The following FAM227A variants were observed in gnomAD, a reference collection of about 807,000 sequenced individuals.
The protein encoded by FAM227A is family with sequence similarity 227 member A.
In FAM227A, 80 loss-of-function variants were observed where a neutral mutation model predicts 74.7. That is an observed-to-expected ratio of 1.07 (90% CI 0.89 to 1.29). The LOEUF is 1.29. Ranked by LOEUF, FAM227A falls within the 50% of genes most tolerant of loss-of-function variation. The pLI is 0.00. For synonymous variants in FAM227A, 237 were observed against 241.8 expected, an observed-to-expected ratio of 0.98 and a Z score of 0.19; for missense variants, 654 against 683.4, an observed-to-expected ratio of 0.96 and a Z score of 0.48.
In FAM227A at chr22:38,582,673, A is replaced by G. The variant is rs1569180363; in HGVS notation, c.*3452T>C. ...GGGATGATCTTGGACTGTGCAACAA[A>G]TGGTCCTGACAGACAGAAATGCAGT... On this transcript the variant is annotated 3_prime_UTR_variant, in exon 17 of 17. Transcript: ENST00000535113. 1 of 832,526 alleles carries G rather than the reference A, an allele frequency of 1.2e-6. No individual in the cohort carries two copies. Among genetic ancestry groups the G allele is most frequent in the Non-Finnish European group, 1.8e-6 (1 of 542,150 alleles). 51.6% of individuals were successfully genotyped at this position (832,526 alleles called of 1,614,324 possible). A position where few individuals can be genotyped will look rare whatever the true frequency, so the allele number is the denominator to read the frequency against.
At chr22:38,594,136 C>T (rs1021613143) in intron 15 of FAM227A, among the ~76,000 whole-genome samples, 3 of 152,184 alleles carry the variant, frequency 2.0e-5, no homozygotes, top group Non-Finnish European at 1.5e-5. Flanking sequence ...CTCTGCCTTC[C>T]GACTTTAGCC....
chr22:38,613,053 T>A (rs1220455716), intron 11 of FAM227A, among the ~76,000 whole-genome samples: 3 of 114,422 alleles, frequency 2.6e-5, no homozygotes, highest in Non-Finnish European at 5.0e-5. Context: ...TATATATATA[T>A]TATATATATG....
intron 3 of FAM227A, among the ~76,000 whole-genome samples, chr22:38,645,306 G>A (rs148281518): frequency 1.2e-3 from 183 of 152,094 alleles, no homozygotes; most frequent in Middle Eastern, 6.8e-3. Flanking sequence ...CAGGAGAATC[G>A]CTTGAACCCA....
rs1159747083 is a variant in FAM227A, at chr22:38,582,834, C to A, written c.*3291G>T. Reference sequence around the variant, plus strand: ...GGGATGGCACAGAATGCTGTTGGAGCATAATGCAGTGGAGCACTTGTGCCT... The same window carrying A: ...GGGATGGCACAGAATGCTGTTGGAGAATAATGCAGTGGAGCACTTGTGCCT... On this transcript the variant is annotated 3_prime_UTR_variant, in exon 17 of 17. Transcript: ENST00000535113. The A allele has an allele frequency of 6.5e-7, 1 of 1,549,872 alleles. No individual in the cohort carries two copies. Among genetic ancestry groups the A allele is most frequent in the South Asian group, 1.2e-5 (1 of 84,020 alleles).
intron 6 of FAM227A, among the ~76,000 whole-genome samples, chr22:38,635,212 G>A (rs951332030): frequency 7.5e-6 from 1 of 133,758 alleles, no homozygotes; most frequent in Non-Finnish European, 1.5e-5. Context: ...CCTGGCGACA[G>A]AGCGAGACTC....
At chr22:38,623,307 G>A (rs1434453219) in intron 9 of FAM227A, 28 bp from the exon 10 acceptor site, 15 of 1,467,904 alleles carry the variant, frequency 1.0e-5, no homozygotes, top group African/African-American at 1.4e-5. Flanking sequence ...AGTGAGAATG[G>A]GGCCGGGTGC....
At chr22:38,644,890 C>A (rs1442551106) in intron 3 of FAM227A, among the ~76,000 whole-genome samples, 1 of 150,860 alleles carries the variant, frequency 6.6e-6, no homozygotes, top group Non-Finnish European at 1.5e-5. Context: ...GAGTTTGAGA[C>A]CAGCCTGACC....
Position 38,582,734 on chromosome 22 carries a change from C to T in FAM227A, c.*3391G>A. The T allele has an allele frequency of 8.0e-7, 1 of 1,254,308 alleles. No homozygotes were observed. Among genetic ancestry groups the T allele is most frequent in the Non-Finnish European group, 1.1e-6 (1 of 899,742 alleles). The allele number at this position is 1,254,308 out of a possible 1,614,324, so 77.7% of individuals were successfully genotyped here. On this transcript the variant is annotated 3_prime_UTR_variant, in exon 17 of 17. Coordinates refer to ENST00000535113, the MANE Select transcript of FAM227A (RefSeq NM_001013647.2). ...CTTAGAAAATAAGGAGACCTTCTTG[C>T]TGTATGGGGGCTAATAGTAGCGGTG...
chr22:38,645,506 TC>T lies in FAM227A; in HGVS notation c.225+56del. ...CCAGGGCACTGCAACACCTTGATGA[TC>T]CCCGGGGCCCTTCCCTGTCAGAAGC... On this transcript the variant is annotated intron_variant, in intron 3 of 16. Transcript: ENST00000535113. 4.2e-6 allele frequency: 5 copies of T among 1,178,322 alleles called. No individual in the cohort carries two copies. In the Admixed American group the frequency reaches 1.0e-4, roughly 24 times the overall value. 73.0% of individuals were successfully genotyped at this position (1,178,322 alleles called of 1,614,324 possible). A position where few individuals can be genotyped will look rare whatever the true frequency, so the allele number is the denominator to read the frequency against.
chr22:38,591,567 G>C (rs2090937234), intron 15 of FAM227A, 27 bp from the exon 16 acceptor site: 1 of 1,493,212 alleles, frequency 6.7e-7, no homozygotes, highest in East Asian at 2.5e-5. Flanking sequence ...GAGACATATG[G>C]AAAAAGGCTG....
intron 1 of FAM227A, among the ~76,000 whole-genome samples, chr22:38,651,795 G>GCT (rs10701349): frequency 0.35 from 53,366 of 151,932 alleles, 9,703 homozygotes; most frequent in East Asian, 0.47. Context: ...CAAGCAATAT[G>GCT]ATGTGCTGGG....
intron 2 of FAM227A, among the ~76,000 whole-genome samples, chr22:38,649,278 T>C (rs2092288422): frequency 6.6e-6 from 1 of 151,932 alleles, no homozygotes; most frequent in African/African-American, 2.4e-5. Context: ...TGAAAAAATG[T>C]ATCTGGCCAG....
At chr22:38,588,764 CAA>C (rs34469783) in intron 16 of FAM227A, among the ~76,000 whole-genome samples, 102 of 128,428 alleles carry the variant, frequency 7.9e-4, no homozygotes, top group Non-Finnish European at 9.2e-4. Context: ...ACTAAAAATA[CAA>C]AAAAAAAAAA....
At chr22:38,607,704 A>G (rs1368268805) in intron 11 of FAM227A, among the ~76,000 whole-genome samples, 1 of 152,206 alleles carries the variant, frequency 6.6e-6, no homozygotes, top group Admixed American at 6.5e-5. Flanking sequence ...CAGGGCAACC[A>G]GGGTTCCAGT....
intron 6 of FAM227A, among the ~76,000 whole-genome samples, chr22:38,630,147 T>A (rs2091888892): frequency 6.6e-6 from 1 of 151,822 alleles, no homozygotes; most frequent in South Asian, 2.1e-4. Flanking sequence ...TCAGGAAGCG[T>A]GCCTCTTCTT....
Position 38,636,554 on chromosome 22 carries a change from G to T in FAM227A, c.416C>A (p.Ser139Tyr). Residue 139 changes from serine (S) to tyrosine (Y), a missense_variant, in exon 6 of 17, where the codon TCC (serine) becomes TAC (tyrosine). Ser to Tyr is a moderately radical substitution (Grantham distance 144). Transcript: ENST00000535113. ...GTTTGGCTTGGAGCTGTTGAAGTTG[G>T]AATACTGGTACAGCTCTGCCAGCAG... ...KNLLAELYQY[S>Y]NFNSSKPNKL... 6.4e-7 allele frequency: 1 copy of T among 1,551,648 alleles called. No individual in the cohort carries two copies. The highest frequency in any genetic ancestry group is 8.7e-7 in the Non-Finnish European group (1 of 1,146,970).
Position 38,582,938 on chromosome 22 carries a change from A to G in FAM227A, c.*3187T>C. 1 of 1,550,500 alleles carries G rather than the reference A, an allele frequency of 6.4e-7. No individual in the cohort carries two copies. On this transcript the variant is annotated 3_prime_UTR_variant, in exon 17 of 17. Transcript: ENST00000535113. ...GGGTCCTGGAGGAAGAGCAGGAATT[A>G]GTGATGTTGGCAGTTAACAAAGAGG... is the stretch of plus-strand genomic sequence containing the variant.
chr22:38,598,042 C>CAAAAAAAAAAA (rs59018974), intron 14 of FAM227A, among the ~76,000 whole-genome samples: 7 of 83,814 alleles, frequency 8.4e-5, no homozygotes, highest in African/African-American at 2.4e-4. Context: ...GACTCTGTCT[C>CAAAAAAAAAAA]AAAAAAAAAA....
intron 11 of FAM227A, among the ~76,000 whole-genome samples, chr22:38,619,112 G>C (rs980563026): frequency 6.6e-6 from 1 of 152,140 alleles, no homozygotes; most frequent in African/African-American, 2.4e-5. Context: ...AGAAGAACAG[G>C]AGGTACAGAG....
Sources: gnomAD v4.1 joint callset for allele counts (sites outside exome capture counted in the v4.1 genomes callset) on GRCh38, gnomAD v4.1.1 for gene constraint, MANE v1.5 for transcripts, NCBI Gene and HGNC (gene_info 2026-07-23, HGNC 2026-07-21) for gene names.